The following GRID2 variants were observed in gnomAD, a reference collection of about 807,000 sequenced individuals.
GRID2 encodes the protein glutamate ionotropic receptor delta type subunit 2.
In GRID2, 33 loss-of-function variants were observed where a neutral mutation model predicts 114.8. That is an observed-to-expected ratio of 0.29 (90% CI 0.22 to 0.38). GRID2 has a LOEUF of 0.38. Among genes scored for constraint, GRID2 ranks in the 10% least tolerant of loss-of-function variants. GRID2 has a pLI of 1.00. For missense variants in GRID2, 1,184 were observed against 1,257.7 expected, an observed-to-expected ratio of 0.94 and a Z score of 0.89; for synonymous variants, 505 against 449.9, an observed-to-expected ratio of 1.12 and a Z score of -1.55.
chr4:93,665,144 G>A (rs1723838877), intron 14 of GRID2, among the ~76,000 whole-genome samples: 1 of 152,024 alleles, frequency 6.6e-6, no homozygotes, highest in African/African-American at 2.4e-5. Context: ...GGTTTACTAT[G>A]GTCAGTATTC....
At chr4:93,161,914 A>C (rs1236857439) in intron 4 of GRID2, among the ~76,000 whole-genome samples, 2 of 151,724 alleles carry the variant, frequency 1.3e-5, no homozygotes, top group Non-Finnish European at 2.9e-5. Context: ...TATCTCATAA[A>C]ATCTGCTGGA....
At chr4:93,569,848 C>G (rs558709009) in intron 13 of GRID2, among the ~76,000 whole-genome samples, 1 of 152,128 alleles carries the variant, frequency 6.6e-6, no homozygotes, top group African/African-American at 2.4e-5. Flanking sequence ...AAAAAAGAAA[C>G]CTACCTGACT....
intron 13 of GRID2, among the ~76,000 whole-genome samples, chr4:93,518,215 T>A (rs1363338557): frequency 6.6e-6 from 1 of 151,698 alleles, no homozygotes; most frequent in Non-Finnish European, 1.5e-5. Context: ...TGTTCTTAAT[T>A]GTGCTACTAG....
intron 2 of GRID2, among the ~76,000 whole-genome samples, chr4:92,596,860 A>C (rs1338613713): frequency 6.6e-6 from 1 of 152,070 alleles, no homozygotes; most frequent in Non-Finnish European, 1.5e-5. Flanking sequence ...GCCAGCTACA[A>C]TGGGAGATAA....
chr4:93,251,406 A>G (rs1250843397), intron 8 of GRID2, among the ~76,000 whole-genome samples: 1 of 152,200 alleles, frequency 6.6e-6, no homozygotes, highest in Admixed American at 6.5e-5. Context: ...GATATGATCT[A>G]TAACACTAGG....
At chr4:92,921,928 A>G (rs747830801) in intron 2 of GRID2, among the ~76,000 whole-genome samples, 6 of 152,164 alleles carry the variant, frequency 3.9e-5, no homozygotes, top group Non-Finnish European at 7.4e-5. Flanking sequence ...TTGTATGGCT[A>G]TGCCCTGCCC....
At chr4:92,640,101 A>G (rs1383525030) in intron 2 of GRID2, among the ~76,000 whole-genome samples, 1 of 151,702 alleles carries the variant, frequency 6.6e-6, no homozygotes, top group Non-Finnish European at 1.5e-5. Flanking sequence ...TAATCCTCAA[A>G]TAAAATTAGC....
intron 4 of GRID2, among the ~76,000 whole-genome samples, chr4:93,160,822 A>G (rs1167234594): frequency 6.6e-6 from 1 of 151,838 alleles, no homozygotes; most frequent in Admixed American, 6.6e-5. Context: ...AACTAGCTAG[A>G]AATGCATATT....
intron 2 of GRID2, among the ~76,000 whole-genome samples, chr4:92,756,005 T>C (rs1737702618): frequency 6.6e-6 from 1 of 152,240 alleles, no homozygotes; most frequent in East Asian, 1.9e-4. Context: ...AAATGTACAG[T>C]ACATTGTTAT....
At chr4:93,127,065 A>G (rs969100030) in intron 4 of GRID2, among the ~76,000 whole-genome samples, 6 of 152,170 alleles carry the variant, frequency 3.9e-5, no homozygotes, top group African/African-American at 1.4e-4. Context: ...CAAAAAACCC[A>G]ATGGCATAGA....
chr4:92,540,016 G>C (rs899601351), intron 1 of GRID2, among the ~76,000 whole-genome samples: 11 of 152,152 alleles, frequency 7.2e-5, no homozygotes, highest in East Asian at 5.8e-4. Context: ...TCTAATCTTT[G>C]ACAAATCTGA....
intron 9 of GRID2, among the ~76,000 whole-genome samples, chr4:93,405,209 G>A (rs1766291906): frequency 6.6e-6 from 1 of 152,080 alleles, no homozygotes; most frequent in Admixed American, 6.6e-5. Context: ...GGGAAAATAT[G>A]ATTTTTATAA....
chr4:92,686,942 T>C (rs1733935707), intron 2 of GRID2, among the ~76,000 whole-genome samples: 1 of 152,114 alleles, frequency 6.6e-6, no homozygotes, highest in Admixed American at 6.5e-5. Flanking sequence ...TTAAGCTAGG[T>C]TTTAAATTAT....
At chr4:92,395,500 G>T (rs1032071123) in intron 1 of GRID2, among the ~76,000 whole-genome samples, 1 of 151,494 alleles carries the variant, frequency 6.6e-6, no homozygotes, top group African/African-American at 2.4e-5. Context: ...TATCTGTAAT[G>T]GTTTATATAA....
intron 2 of GRID2, among the ~76,000 whole-genome samples, chr4:92,810,446 TAAA>T (rs1740616032): frequency 6.6e-6 from 1 of 152,136 alleles, no homozygotes; most frequent in African/African-American, 2.4e-5. Context: ...TCTATTTAAC[TAAA>T]AACTACTTGT....
chr4:92,941,567 C>A (rs1751134558), intron 2 of GRID2, among the ~76,000 whole-genome samples: 1 of 152,138 alleles, frequency 6.6e-6, no homozygotes, highest in East Asian at 1.9e-4. Flanking sequence ...TCTCTATTTC[C>A]TTCAGTTCTG....
intron 4 of GRID2, among the ~76,000 whole-genome samples, chr4:93,135,957 A>G (rs143423162): frequency 6.6e-6 from 1 of 152,308 alleles, no homozygotes; most frequent in East Asian, 1.9e-4. Context: ...TAAAATTTCC[A>G]TCATTTTATC....
intron 2 of GRID2, among the ~76,000 whole-genome samples, chr4:92,990,697 G>C (rs2149203128): frequency 6.6e-6 from 1 of 151,860 alleles, no homozygotes; most frequent in African/African-American, 2.4e-5. Context: ...ATGATAATTT[G>C]AAATGACTGA....
intron 14 of GRID2, among the ~76,000 whole-genome samples, chr4:93,749,425 C>T (rs917630555): frequency 2.0e-5 from 3 of 152,176 alleles, no homozygotes; most frequent in Non-Finnish European, 2.9e-5. Context: ...CAGTGACTGA[C>T]AGGAAAACAA....
Sources: allele counts gnomAD v4.1 joint callset (sites outside exome capture counted in the v4.1 genomes callset), GRCh38; gene constraint gnomAD v4.1.1; transcripts MANE v1.5; gene names NCBI Gene and HGNC (gene_info 2026-07-23, HGNC 2026-07-21).